The following TRABD2B variants were observed in gnomAD, a reference collection of about 807,000 sequenced individuals.
The protein encoded by TRABD2B is TraB domain containing 2B.
TRABD2B carries 14 observed loss-of-function variants against 40.1 expected under a neutral mutation model. The observed-to-expected ratio is 0.35, with a 90% CI of 0.23 to 0.55. The LOEUF is 0.55. Ranked by LOEUF, TRABD2B falls within the 20% of genes least tolerant of loss-of-function variation. The pLI, the probability that TRABD2B is intolerant of heterozygous loss-of-function variation, is 0.90. For missense variants in TRABD2B, 541 were observed against 648.6 expected, an observed-to-expected ratio of 0.83 and a Z score of 1.80; for synonymous variants, 263 against 277.0, an observed-to-expected ratio of 0.95 and a Z score of 0.50.
chr1:47,811,274 C>T (rs1250063981), intron 2 of TRABD2B, among the ~76,000 whole-genome samples: 2 of 151,054 alleles, frequency 1.3e-5, no homozygotes, highest in Non-Finnish European at 3.0e-5. Context: ...ACCCCCCCAT[C>T]GCCCACCCAG....
intron 2 of TRABD2B, among the ~76,000 whole-genome samples, chr1:47,906,600 C>T (rs1208999255): frequency 2.6e-5 from 4 of 152,180 alleles, no homozygotes; most frequent in Non-Finnish European, 4.4e-5. Context: ...GAGACTGATT[C>T]CCCAAGCCTA....
Position 47,765,609 on chromosome 1 carries a change from G to T in TRABD2B, c.*293C>A, listed in dbSNP as rs1453407373. 1.3e-5 allele frequency: 6 copies of T among 457,904 alleles called. No individual in the cohort carries two copies. Among genetic ancestry groups the T allele is most frequent in the African/African-American group, 6.0e-5 (3 of 50,302 alleles). The allele number at this position is 457,904 out of a possible 1,614,324, so 28.4% of individuals were successfully genotyped here. On this transcript the variant is annotated 3_prime_UTR_variant, in exon 7 of 7. Coordinates refer to ENST00000606738, the MANE Select transcript of TRABD2B (RefSeq NM_001194986.2). ...CCCGGGCCAGCACTAGGGCTAGGGG[G>T]TTATAACACAGGCCACATAAGAATA...
At chr1:47,987,575 G>A (rs1355036543) in intron 2 of TRABD2B, among the ~76,000 whole-genome samples, 1 of 152,142 alleles carries the variant, frequency 6.6e-6, no homozygotes, top group Non-Finnish European at 1.5e-5. Flanking sequence ...CTGTGCTCCT[G>A]CTTCTGTGTG....
chr1:47,910,006 C>T (rs575445660), intron 2 of TRABD2B, among the ~76,000 whole-genome samples: 10 of 151,578 alleles, frequency 6.6e-5, no homozygotes, highest in South Asian at 4.2e-4. Flanking sequence ...ACTACAGGCA[C>T]GTGCCACCAC....
At chr1:47,914,862 G>C (rs1345185538) in intron 2 of TRABD2B, among the ~76,000 whole-genome samples, 2 of 152,254 alleles carry the variant, frequency 1.3e-5, no homozygotes, top group Non-Finnish European at 2.9e-5. Flanking sequence ...ACTGGCTTTA[G>C]GCTGAATGCT....
chr1:47,936,325 G>A (rs929959322), intron 2 of TRABD2B, among the ~76,000 whole-genome samples: 2 of 152,204 alleles, frequency 1.3e-5, no homozygotes, highest in Admixed American at 6.5e-5. Context: ...TAGGGCAGAT[G>A]GAAAGAGATG....
At chr1:47,853,629 T>C (rs1643860991) in intron 2 of TRABD2B, among the ~76,000 whole-genome samples, 1 of 152,210 alleles carries the variant, frequency 6.6e-6, no homozygotes, top group Non-Finnish European at 1.5e-5. Flanking sequence ...TGGGTTATCC[T>C]GGGAGAAGTC....
chr1:47,898,743 A>C (rs1173498738), intron 2 of TRABD2B, among the ~76,000 whole-genome samples: 1 of 152,170 alleles, frequency 6.6e-6, no homozygotes, highest in African/African-American at 2.4e-5. Flanking sequence ...TTTGATTAAG[A>C]ATGCTGCTCC....
rs1440916342 is a variant in TRABD2B at position 47,994,955 on chromosome 1, A to T, written c.103-358T>A. ...CAGAGGAAGTCAGCAATGAAGGGAA[A>T]CTCTCATGATTAGCGTTCCCTGTGA... On this transcript the variant is annotated intron_variant, in intron 1 of 6. Coordinates refer to ENST00000606738, the MANE Select transcript of TRABD2B (RefSeq NM_001194986.2). The surrounding 1 kb of genome is among the most constrained non-coding windows in gnomAD (Gnocchi z 6.7). 1.3e-5 allele frequency among the ~76,000 whole-genome samples: 2 copies of T among 151,908 alleles called. No homozygotes were observed. The highest frequency in any genetic ancestry group is 2.9e-5 in the Non-Finnish European group (2 of 67,998).
At chr1:47,885,489 G>C (rs939791909) in intron 2 of TRABD2B, among the ~76,000 whole-genome samples, 2 of 152,218 alleles carry the variant, frequency 1.3e-5, no homozygotes, top group African/African-American at 4.8e-5. Context: ...TCTGGTAACT[G>C]TGGAGCATCT....
chr1:47,820,569 A>G (rs1645092208), intron 2 of TRABD2B, among the ~76,000 whole-genome samples: 2 of 152,182 alleles, frequency 1.3e-5, no homozygotes, highest in Admixed American at 1.3e-4. Flanking sequence ...AGCGGTGGGC[A>G]GGGCTAGGGC....
chr1:47,842,932 G>A (rs1191601908), intron 2 of TRABD2B, among the ~76,000 whole-genome samples: 1 of 152,176 alleles, frequency 6.6e-6, no homozygotes, highest in Non-Finnish European at 1.5e-5. Context: ...GGATGGGGAT[G>A]TTGGAGCTGA....
chr1:47,983,051 C>T (rs758446719), intron 2 of TRABD2B, among the ~76,000 whole-genome samples: 3 of 152,168 alleles, frequency 2.0e-5, no homozygotes, highest in Non-Finnish European at 4.4e-5. Flanking sequence ...CACTGCAGCA[C>T]TATTCACAAT....
At chr1:47,935,623 C>T (rs1645096714) in intron 2 of TRABD2B, among the ~76,000 whole-genome samples, 1 of 152,202 alleles carries the variant, frequency 6.6e-6, no homozygotes, top group Non-Finnish European at 1.5e-5. Flanking sequence ...AAGGCTTCAA[C>T]AAGCAAGTAA....
At chr1:47,794,798 T>G (rs778425008) in intron 3 of TRABD2B, 38 bp from the exon 4 acceptor site, 9 of 1,453,096 alleles carry the variant, frequency 6.2e-6, no homozygotes, top group African/African-American at 5.8e-5. Flanking sequence ...CAGTTTTTTT[T>G]TTTTTTTTTT....
intron 2 of TRABD2B, among the ~76,000 whole-genome samples, chr1:47,934,326 C>T (rs997895244): frequency 6.6e-6 from 1 of 152,182 alleles, no homozygotes; most frequent in East Asian, 1.9e-4. Flanking sequence ...AGGAGTCCTC[C>T]CCATTCCCAC....
At chr1:47,916,152 C>T (rs953475885) in intron 2 of TRABD2B, among the ~76,000 whole-genome samples, 4 of 138,768 alleles carry the variant, frequency 2.9e-5, no homozygotes, top group African/African-American at 8.2e-5. Flanking sequence ...ACTAGCTGGG[C>T]GGGGGGCGGG....
chr1:47,930,399 T>C (rs1645024541), intron 2 of TRABD2B, among the ~76,000 whole-genome samples: 1 of 152,178 alleles, frequency 6.6e-6, no homozygotes, highest in Non-Finnish European at 1.5e-5. Flanking sequence ...CGCTGAGCTC[T>C]TGGCTGACTC....
At chr1:47,828,498 C>T (rs887568852) in intron 2 of TRABD2B, among the ~76,000 whole-genome samples, 15 of 152,226 alleles carry the variant, frequency 9.9e-5, no homozygotes, top group Admixed American at 5.9e-4. Context: ...GCAGCTGCTG[C>T]AGCCTTTGAG....
Sources: allele counts gnomAD v4.1 joint callset (sites outside exome capture counted in the v4.1 genomes callset), GRCh38; gene constraint gnomAD v4.1.1; non-coding constraint Gnocchi (gnomAD v3.1); transcripts MANE v1.5; gene names NCBI Gene and HGNC (gene_info 2026-07-23, HGNC 2026-07-21).